KIF16B: variants seen among roughly 807,000 people sequenced by gnomAD.
KIF16B encodes kinesin family member 16B, also known as kinesin-like protein KIF16B.
Under a neutral mutation model 156.3 loss-of-function variants are expected in KIF16B, and 98 were observed. The ratio of observed to expected loss-of-function variants is 0.63; its 90% CI spans 0.53 to 0.74. KIF16B has a LOEUF of 0.74. Ranked by LOEUF, KIF16B falls within the 30% of genes least tolerant of loss-of-function variation. The probability of loss-of-function intolerance (pLI) is 0.00; values close to 1 mark genes in which losing one functional copy is unlikely to be tolerated. For synonymous variants in KIF16B, 564 were observed against 583.7 expected (o/e 0.97, Z 0.49); for missense variants, 1,421 against 1,606.5 (o/e 0.88, Z 1.97).
At chr20:16,365,080 C>A (rs2064634073) in intron 22 of KIF16B, among the ~76,000 whole-genome samples, 1 of 152,164 alleles carries the variant, frequency 6.6e-6, no homozygotes, top group South Asian at 2.1e-4. Context: ...ATTCCCTCTG[C>A]CCTTCATAAT....
intron 25 of KIF16B, among the ~76,000 whole-genome samples, chr20:16,281,606 A>T (rs536811667): frequency 1.3e-5 from 2 of 152,368 alleles, no homozygotes; most frequent in South Asian, 2.1e-4. Flanking sequence ...CACTGGGTCA[A>T]ATAGGCTGGG....
At chr20:16,497,412 C>T (rs139013548) in intron 11 of KIF16B, among the ~76,000 whole-genome samples, 2 of 152,256 alleles carry the variant, frequency 1.3e-5, no homozygotes, top group African/African-American at 2.4e-5. Context: ...AGACAAATCC[C>T]GTTTATTAAA....
rs896757710 is a variant in KIF16B at position 16,410,120 on chromosome 20, T to C, written c.1613-3664A>G. 2.1e-5 allele frequency among the ~76,000 whole-genome samples: 3 copies of C among 140,110 alleles called. 1 individual carries two copies. Among genetic ancestry groups the C allele is most frequent in the Non-Finnish European group, 4.7e-5 (3 of 64,100 alleles). The allele number at this position is 140,110 out of a possible 152,430, so 91.9% of individuals were successfully genotyped here. On this transcript the variant is annotated intron_variant, in intron 15 of 25. Transcript: ENST00000354981. ...ATATATATATATGTAGGTACATATA[T>C]ATATGTAGGTACATATATATATGTA...
intron 1 of KIF16B, among the ~76,000 whole-genome samples, chr20:16,530,247 G>A (rs189561889): frequency 2.0e-5 from 3 of 152,282 alleles, no homozygotes; most frequent in African/African-American, 7.2e-5. Context: ...GTGATTGCCC[G>A]GCACTCACAC....
intron 1 of KIF16B, among the ~76,000 whole-genome samples, chr20:16,538,980 G>A (rs2070088769): frequency 6.6e-6 from 1 of 152,100 alleles, no homozygotes. Flanking sequence ...TCAGCCATGA[G>A]TAATAGCTTC....
At chr20:16,421,491 C>T (rs1026016689) in intron 15 of KIF16B, among the ~76,000 whole-genome samples, 15 of 152,126 alleles carry the variant, frequency 9.9e-5, no homozygotes, top group South Asian at 2.1e-4. Flanking sequence ...AGAAACACTA[C>T]ATCACATCAT....
chr20:16,534,966 C>T lies in KIF16B; in HGVS notation c.48-6526G>A, dbSNP rs374610212. Among the ~76,000 whole-genome samples, 5 of 151,898 alleles carry T rather than the reference C, an allele frequency of 3.3e-5. No homozygotes were observed. In the South Asian group the frequency reaches 6.3e-4, roughly 19 times the overall value. ...TCAGCTTTGTTTTTGCTTAGGGTTG[C>T]TGTGGCTATTTAGGCTCTTTTTTGG... On this transcript the variant is annotated intron_variant, in intron 1 of 25. Transcript: ENST00000354981.
At chr20:16,446,127 T>C (rs1445371440) in intron 12 of KIF16B, among the ~76,000 whole-genome samples, 1 of 152,158 alleles carries the variant, frequency 6.6e-6, no homozygotes, top group African/African-American at 2.4e-5. Context: ...AAAAAGGAAG[T>C]TGTCACCTTT....
chr20:16,466,478 G>GT lies in KIF16B; in HGVS notation c.1302+27812dup, dbSNP rs1239602111. Among the ~76,000 whole-genome samples the GT allele has an allele frequency of 2.0e-5, 3 of 152,168 alleles. No individual in the cohort carries two copies. The East Asian group carries it at 5.8e-4, about 29-fold the overall frequency. ...GGAGGTAACTGAATCACAAGGGTGG[G>GT]TTTTTCCCATGCTGTTCTCTTGACG... is the stretch of plus-strand genomic sequence containing the variant. On this transcript the variant is annotated intron_variant, in intron 12 of 25. Coordinates refer to ENST00000354981, the MANE Select transcript of KIF16B (RefSeq NM_024704.5).
At chr20:16,351,646 T>C (rs945769072) in intron 23 of KIF16B, among the ~76,000 whole-genome samples, 1 of 151,734 alleles carries the variant, frequency 6.6e-6, no homozygotes, top group Non-Finnish European at 1.5e-5. Flanking sequence ...TGCTTCAGCT[T>C]TCCCCACCCC....
At chr20:16,491,918 A>G (rs2068305350) in intron 12 of KIF16B, among the ~76,000 whole-genome samples, 1 of 152,192 alleles carries the variant, frequency 6.6e-6, no homozygotes, top group South Asian at 2.1e-4. Flanking sequence ...AGTATCCAAG[A>G]GCTTAGGATC....
chr20:16,279,856 C>T (rs2063120101), intron 25 of KIF16B, among the ~76,000 whole-genome samples: 1 of 152,134 alleles, frequency 6.6e-6, no homozygotes, highest in Admixed American at 6.5e-5. Flanking sequence ...GGTCTACTGG[C>T]TGTGTTAATA....
chr20:16,342,184 G>T (rs1180240509), intron 23 of KIF16B, among the ~76,000 whole-genome samples: 1 of 151,956 alleles, frequency 6.6e-6, no homozygotes. Context: ...CACAGCACAG[G>T]ATATTAATTA....
intron 22 of KIF16B, among the ~76,000 whole-genome samples, chr20:16,366,509 G>GC (rs1000071814): frequency 5.3e-5 from 8 of 152,084 alleles, no homozygotes; most frequent in African/African-American, 1.9e-4. Context: ...AGCTGAAATC[G>GC]CAAGAGTTAA....
intron 22 of KIF16B, chr20:16,368,717 T>TC (rs2123279234): frequency 1.0e-6 from 1 of 985,894 alleles, no homozygotes; most frequent in Admixed American, 6.1e-5. Context: ...GCCAGTACGC[T>TC]CTGCGGGGCA....
At chr20:16,456,817 G>A (rs1187194280) in intron 12 of KIF16B, among the ~76,000 whole-genome samples, 2 of 151,730 alleles carry the variant, frequency 1.3e-5, no homozygotes, top group African/African-American at 4.9e-5. Context: ...AGCTGAACTC[G>A]CTTGCCATGT....
chr20:16,531,555 C>A (rs1375485504), intron 1 of KIF16B, among the ~76,000 whole-genome samples: 1 of 152,144 alleles, frequency 6.6e-6, no homozygotes, highest in Non-Finnish European at 1.5e-5. Context: ...CCAGGGATGG[C>A]CTGACTCTGA....
intron 17 of KIF16B, among the ~76,000 whole-genome samples, chr20:16,386,587 A>G (rs1345866730): frequency 6.6e-6 from 1 of 151,804 alleles, no homozygotes; most frequent in Admixed American, 6.6e-5. Context: ...GCTCATTTTA[A>G]CAGATGAAAT....
At chr20:16,501,392 C>G (rs946846806) in intron 10 of KIF16B, among the ~76,000 whole-genome samples, 1 of 151,880 alleles carries the variant, frequency 6.6e-6, no homozygotes, top group African/African-American at 2.4e-5. Flanking sequence ...CACTTCTATA[C>G]ACTGATGGTG....
Sources: allele counts gnomAD v4.1 joint callset (sites outside exome capture counted in the v4.1 genomes callset), GRCh38; gene constraint gnomAD v4.1.1; transcripts MANE v1.5; gene names NCBI Gene and HGNC (gene_info 2026-07-23, HGNC 2026-07-21).